POC1B: variants seen among roughly 807,000 people sequenced by gnomAD.
POC1B encodes POC1 centriolar protein B.
POC1B carries 44 observed loss-of-function variants against 60.6 expected under a neutral mutation model. The observed-to-expected ratio is 0.73, with a 90% CI of 0.57 to 0.93. POC1B has a LOEUF of 0.93. POC1B is among the 40% of genes least tolerant of loss of function. POC1B has a pLI of 0.00. For missense variants in POC1B, 555 were observed against 572.3 expected, an observed-to-expected ratio of 0.97 and a Z score of 0.31; for synonymous variants, 180 against 198.9, an observed-to-expected ratio of 0.90 and a Z score of 0.80.
At position 89,432,383 on chromosome 12, in the gene POC1B, TAAAAAAAAAAAAAA is replaced by T. The variant is rs57839375; in HGVS notation, c.1114-7018_1114-7005del. ...GCCTGGGCAACGAGACTCTGTTTCT[TAAAAAAAAAAAAAA>T]AAAAAAAAAAAAAAAAGCCTTAACT... On this transcript the variant is annotated intron_variant, in intron 10 of 11. Transcript: ENST00000313546. 4.7e-4 allele frequency among the ~76,000 whole-genome samples: 15 copies of T among 32,050 alleles called. No homozygotes were observed. In the East Asian group the frequency reaches 9.5e-3, roughly 20 times the overall value. 21.0% of individuals were successfully genotyped at this position (32,050 alleles called of 152,430 possible).
intron 10 of POC1B, among the ~76,000 whole-genome samples, chr12:89,442,973 C>T (rs1881599784): frequency 6.6e-6 from 1 of 152,108 alleles, no homozygotes; most frequent in Non-Finnish European, 1.5e-5. Flanking sequence ...ATAAAACAGA[C>T]TTTAAACCAA....
intron 2 of POC1B, chr12:89,524,849 A>G (rs865848801): frequency 3.3e-6 from 2 of 614,114 alleles, no homozygotes; most frequent in Middle Eastern, 4.4e-4. Context: ...TCCCCTTCCC[A>G]CTCACTCCTC....
intron 2 of POC1B, chr12:89,523,874 G>A: frequency 1.3e-6 from 2 of 1,570,662 alleles, no homozygotes; most frequent in Non-Finnish European, 1.7e-6. Flanking sequence ...TGACAATCCA[G>A]GAAAGTGAGG....
chr12:89,512,409 C>A (rs1454486879), intron 2 of POC1B, among the ~76,000 whole-genome samples: 1 of 152,112 alleles, frequency 6.6e-6, no homozygotes, highest in African/African-American at 2.4e-5. Context: ...CTGGCAATAA[C>A]AACAACAGAA....
At chr12:89,516,887 G>GT (rs1870466706) in intron 2 of POC1B, among the ~76,000 whole-genome samples, 1 of 152,116 alleles carries the variant, frequency 6.6e-6, no homozygotes, top group African/African-American at 2.4e-5. Flanking sequence ...TCCTCTGTAT[G>GT]TTTTTTACAA....
At chr12:89,517,440 C>T (rs1870493500) in intron 2 of POC1B, among the ~76,000 whole-genome samples, 1 of 152,100 alleles carries the variant, frequency 6.6e-6, no homozygotes, top group Non-Finnish European at 1.5e-5. Flanking sequence ...CCAGACCACC[C>T]TGGCCAACAT....
intron 10 of POC1B, among the ~76,000 whole-genome samples, chr12:89,454,381 G>A (rs185861706): frequency 2.6e-5 from 4 of 152,222 alleles, no homozygotes; most frequent in Middle Eastern, 3.4e-3. Flanking sequence ...ATTGCCTCCC[G>A]TCTGAGTATT....
intron 2 of POC1B, among the ~76,000 whole-genome samples, chr12:89,512,071 A>G (rs1484835604): frequency 6.6e-6 from 1 of 152,140 alleles, no homozygotes; most frequent in African/African-American, 2.4e-5. Context: ...ATAAACCTAG[A>G]TGGAAGTGAG....
chr12:89,465,999 C>T (rs1412527241), intron 9 of POC1B, among the ~76,000 whole-genome samples: 2 of 152,186 alleles, frequency 1.3e-5, no homozygotes, highest in Admixed American at 6.5e-5. Flanking sequence ...ATGCGGCTAC[C>T]GTGCATTGCT....
intron 2 of POC1B, chr12:89,522,081 A>G (rs1345843033): frequency 5.0e-6 from 2 of 398,952 alleles, no homozygotes; most frequent in African/African-American, 4.1e-5. Flanking sequence ...CACAGAGAAG[A>G]CAGCTTACAA....
chr12:89,456,409 CCA>C (rs1565733107), intron 10 of POC1B, among the ~76,000 whole-genome samples: 1 of 152,122 alleles, frequency 6.6e-6, no homozygotes, highest in Non-Finnish European at 1.5e-5. Flanking sequence ...TCCCGTGTAG[CCA>C]CACCACATGT....
intron 10 of POC1B, chr12:89,425,645 A>T (rs550412204): frequency 2.7e-5 from 7 of 260,532 alleles, no homozygotes; most frequent in African/African-American, 1.6e-4. Flanking sequence ...GATCTGAGGG[A>T]TCTACCATTA....
At chr12:89,525,547 G>A (rs1344392262) in intron 1 of POC1B, 4 of 1,292,206 alleles carry the variant, frequency 3.1e-6, no homozygotes, top group Admixed American at 3.8e-5. Context: ...CCTCGGCTTT[G>A]GTACTTTTTT....
chr12:89,509,017 C>T (rs9669104), intron 2 of POC1B, among the ~76,000 whole-genome samples: 109,090 of 152,098 alleles, frequency 0.72, 39,235 homozygotes, highest in Middle Eastern at 0.82. Flanking sequence ...ATATAAATAT[C>T]GTCTTCCTCA....
chr12:89,497,976 A>G (rs1869343692), intron 2 of POC1B, among the ~76,000 whole-genome samples: 1 of 152,194 alleles, frequency 6.6e-6, no homozygotes, highest in Admixed American at 6.5e-5. Flanking sequence ...ATTTAGGAGT[A>G]AGTTATGCAA....
At chr12:89,485,753 T>A (rs1484662898) in intron 4 of POC1B, among the ~76,000 whole-genome samples, 1 of 152,172 alleles carries the variant, frequency 6.6e-6, no homozygotes, top group Non-Finnish European at 1.5e-5. Flanking sequence ...TTCACAAAAA[T>A]AACTCTTCTC....
intron 10 of POC1B, among the ~76,000 whole-genome samples, chr12:89,456,002 C>CTTT (rs1165409256): frequency 0.012 from 1,571 of 135,694 alleles, 18 homozygotes; most frequent in African/African-American, 0.037. Flanking sequence ...GTTTAAAACT[C>CTTT]TTTTTTGTTG....
intron 2 of POC1B, chr12:89,522,560 T>G (rs1359001449): frequency 5.3e-6 from 2 of 375,074 alleles, no homozygotes; most frequent in African/African-American, 4.2e-5. Flanking sequence ...CAACTTCTTT[T>G]AAGAAGAGAC....
In POC1B at chr12:89,466,788, T is replaced by C; in HGVS notation, c.1014A>G (p.Glu338=). 2 of 1,612,378 alleles carry C rather than the reference T, an allele frequency of 1.2e-6. No individual in the cohort carries two copies. The highest frequency in any genetic ancestry group is 1.7e-6 in the Non-Finnish European group (2 of 1,179,026). The change falls in exon 9 of 12, where the codon GAA becomes GAG. Residue 338 remains glutamate (E), a synonymous_variant. Transcript: ENST00000313546. The stretch of plus-strand genomic sequence containing the variant: ...TACTCACTTCTACAGTCTCAACTTT[T>C]TCCTCATGGGGATGTGGTGTTCTTG... The part of the protein sequence containing the change: ...IYPRTPHPHE[E]KVETVEINPK...
Sources: allele counts gnomAD v4.1 joint callset (sites outside exome capture counted in the v4.1 genomes callset), GRCh38; gene constraint gnomAD v4.1.1; transcripts MANE v1.5; gene names NCBI Gene and HGNC (gene_info 2026-07-23, HGNC 2026-07-21).